ANKRD55: variants seen among roughly 807,000 people sequenced by gnomAD.
ANKRD55 encodes the protein ankyrin repeat domain-containing protein 55.
ANKRD55 carries 41 observed loss-of-function variants against 60.6 expected under a neutral mutation model. That is an observed-to-expected ratio of 0.68 (90% CI 0.53 to 0.88). The LOEUF (loss-of-function observed/expected upper bound fraction) is 0.88. ANKRD55 is among the 40% of genes least tolerant of loss of function. The probability of loss-of-function intolerance (pLI) is 0.00; values close to 1 mark genes in which losing one functional copy is unlikely to be tolerated. For missense variants in ANKRD55, 732 were observed against 767.6 expected (o/e 0.95, Z 0.55); for synonymous variants, 264 against 290.3 (o/e 0.91, Z 0.92).
rs1266773651 is a variant in ANKRD55, at chr5:56,144,768, T to C, written c.484-839A>G. Among the ~76,000 whole-genome samples, 4 of 152,298 alleles carry C rather than the reference T, an allele frequency of 2.6e-5. No homozygotes were observed. In the East Asian group the frequency reaches 7.7e-4, roughly 29 times the overall value. On this transcript the variant is annotated intron_variant, in intron 6 of 11. Transcript: ENST00000341048. ...GCTTCTTTCAGAGTTCAGGGTCATA[T>C]GGGTTAGGTATAATTTAACATTAAG...
intron 7 of ANKRD55, chr5:56,137,583 T>G (rs1304362681): frequency 4.5e-6 from 3 of 672,696 alleles, no homozygotes; most frequent in Non-Finnish European, 7.9e-6. Flanking sequence ...AAAAAAGAAT[T>G]CCAGGAGATA....
chr5:56,169,313 C>A (rs752544774), intron 5 of ANKRD55, among the ~76,000 whole-genome samples: 1 of 151,936 alleles, frequency 6.6e-6, no homozygotes, highest in Non-Finnish European at 1.5e-5. Context: ...AAAGCAATTA[C>A]GTAGAGTAAA....
At chr5:56,202,808 C>T (rs576890644) in intron 2 of ANKRD55, among the ~76,000 whole-genome samples, 10 of 152,128 alleles carry the variant, frequency 6.6e-5, no homozygotes, top group Admixed American at 1.3e-4. Flanking sequence ...TGTGCTCTTG[C>T]GGGGGTAGGT....
chr5:56,139,452 C>T (rs770489029), intron 7 of ANKRD55, among the ~76,000 whole-genome samples: 10 of 151,978 alleles, frequency 6.6e-5, no homozygotes, highest in Non-Finnish European at 1.0e-4. Context: ...GGGAGCTCAA[C>T]AAAGAAGGTG....
At chr5:56,210,470 G>C (rs1759638768) in intron 2 of ANKRD55, among the ~76,000 whole-genome samples, 1 of 149,266 alleles carries the variant, frequency 6.7e-6, no homozygotes, top group Non-Finnish European at 1.5e-5. Flanking sequence ...GCTGAGGCAG[G>C]AGAAAGGCGT....
At chr5:56,166,199 T>TTCCTTC (rs769664867) in intron 5 of ANKRD55, among the ~76,000 whole-genome samples, 2,979 of 95,970 alleles carry the variant, frequency 0.031, 199 homozygotes, top group Non-Finnish European at 0.039. Flanking sequence ...CCTTCCTTCC[T>TTCCTTC]TCTCTCTCTC....
chr5:56,169,935 C>T (rs151244611), intron 5 of ANKRD55, among the ~76,000 whole-genome samples: 16 of 152,218 alleles, frequency 1.1e-4, no homozygotes, highest in East Asian at 1.9e-4. Flanking sequence ...GAATGGGGAC[C>T]GAGGCCATGT....
At chr5:56,115,374 A>G (rs1404179616) in intron 9 of ANKRD55, among the ~76,000 whole-genome samples, 1 of 147,974 alleles carries the variant, frequency 6.8e-6, no homozygotes, top group Non-Finnish European at 1.5e-5. Flanking sequence ...GCTGGAGTGC[A>G]GTGGCACTGT....
intron 4 of ANKRD55, among the ~76,000 whole-genome samples, chr5:56,171,087 G>T (rs1350880156): frequency 6.6e-6 from 1 of 152,006 alleles, no homozygotes; most frequent in Non-Finnish European, 1.5e-5. Flanking sequence ...CCACTCACTG[G>T]TATTACATGT....
At chr5:56,127,127 A>C in intron 7 of ANKRD55, 21 bp from the exon 8 acceptor site, 1 of 1,588,594 alleles carries the variant, frequency 6.3e-7, no homozygotes, top group South Asian at 1.2e-5. Flanking sequence ...GAGTCAAAGA[A>C]AGCCCATTAT....
chr5:56,226,556 C>A (rs562419205), intron 2 of ANKRD55, among the ~76,000 whole-genome samples: 1 of 152,086 alleles, frequency 6.6e-6, no homozygotes, highest in Non-Finnish European at 1.5e-5. Flanking sequence ...AGGCAACCTG[C>A]AGAATGGGAG....
At chr5:56,106,418 AGC>A (rs1756471759) in intron 10 of ANKRD55, among the ~76,000 whole-genome samples, 1 of 117,772 alleles carries the variant, frequency 8.5e-6, no homozygotes, top group African/African-American at 4.6e-5. Context: ...AGGCTAGGAA[AGC>A]TTTTTTTTTT....
intron 8 of ANKRD55, among the ~76,000 whole-genome samples, chr5:56,118,619 A>G (rs901696738): frequency 9.1e-5 from 13 of 143,148 alleles, no homozygotes; most frequent in Admixed American, 6.3e-4. Context: ...GCGAGACTCC[A>G]TCTCAAAAAA....
chr5:56,116,808 C>G, intron 8 of ANKRD55, 26 bp from the exon 9 acceptor site: 4 of 1,569,374 alleles, frequency 2.5e-6, no homozygotes, highest in Non-Finnish European at 3.5e-6. Flanking sequence ...GAAAAAAGCA[C>G]AAGCGTCTGA....
intron 10 of ANKRD55, among the ~76,000 whole-genome samples, chr5:56,109,038 AACAC>A (rs60023559): frequency 0.052 from 7,526 of 143,916 alleles, 201 homozygotes; most frequent in African/African-American, 0.057. Context: ...TCTGTCTCAA[AACAC>A]ACACACACAC....
intron 2 of ANKRD55, among the ~76,000 whole-genome samples, chr5:56,213,746 G>C (rs1258268707): frequency 1.3e-5 from 2 of 152,176 alleles, no homozygotes; most frequent in East Asian, 3.8e-4. Flanking sequence ...TCGGAAGATA[G>C]AACACCAGGA....
chr5:56,183,679 C>A (rs1416403243), intron 2 of ANKRD55, 45 bp from the exon 3 acceptor site: 3 of 1,601,752 alleles, frequency 1.9e-6, no homozygotes, highest in Non-Finnish European at 2.6e-6. Flanking sequence ...GGAGCCAGTT[C>A]ACTGAAAGAA....
intron 2 of ANKRD55, among the ~76,000 whole-genome samples, chr5:56,195,092 T>C (rs1759199214): frequency 6.6e-6 from 1 of 151,804 alleles, no homozygotes; most frequent in South Asian, 2.1e-4. Flanking sequence ...ATTGAAAGAG[T>C]AGATACTTAA....
At chr5:56,149,911 G>A (rs947724918) in intron 6 of ANKRD55, among the ~76,000 whole-genome samples, 1 of 149,618 alleles carries the variant, frequency 6.7e-6, no homozygotes, top group Non-Finnish European at 1.5e-5. Context: ...GCACCATCTC[G>A]GCTTACTGCA....
Sources: gnomAD v4.1 joint callset for allele counts (sites outside exome capture counted in the v4.1 genomes callset) on GRCh38, gnomAD v4.1.1 for gene constraint, MANE v1.5 for transcripts, NCBI Gene and HGNC (gene_info 2026-07-23, HGNC 2026-07-21) for gene names.